Variants in EDIL3 observed in about 807,000 individuals in gnomAD.
The protein encoded by EDIL3 is EGF like and discoidin domains 3.
Under a neutral mutation model 67.4 loss-of-function variants are expected in EDIL3, and 37 were observed. The observed-to-expected ratio is 0.55, with a 90% CI of 0.42 to 0.72. The LOEUF is 0.72. EDIL3 is among the 30% of genes least tolerant of loss of function. The pLI is 0.00. For missense variants in EDIL3, 527 were observed against 586.3 expected (o/e 0.90, Z 1.04); for synonymous variants, 195 against 196.3 (o/e 0.99, Z 0.05).
At chr5:84,239,347 G>GTTATTATT (rs1744747981) in intron 2 of EDIL3, among the ~76,000 whole-genome samples, 1 of 152,152 alleles carries the variant, frequency 6.6e-6, no homozygotes, top group African/African-American at 2.4e-5. Context: ...ATACAATGGT[G>GTTATTATT]TTATTACCTG....
chr5:84,053,300 T>C (rs999577142), intron 9 of EDIL3, among the ~76,000 whole-genome samples: 5 of 152,134 alleles, frequency 3.3e-5, no homozygotes, highest in Admixed American at 3.3e-4. Flanking sequence ...CTGGGACACA[T>C]TCAAAGCAGT....
At chr5:84,111,234 C>A (rs909905850) in intron 5 of EDIL3, among the ~76,000 whole-genome samples, 1 of 152,118 alleles carries the variant, frequency 6.6e-6, no homozygotes, top group South Asian at 2.1e-4. Flanking sequence ...CTATTTTCTT[C>A]ATAAATTACC....
chr5:84,353,236 C>A (rs911470547), intron 1 of EDIL3, among the ~76,000 whole-genome samples: 7 of 152,078 alleles, frequency 4.6e-5, no homozygotes, highest in Non-Finnish European at 8.8e-5. Flanking sequence ...TGTGCCCAAT[C>A]AAAAGGGAAG....
chr5:84,120,379 A>C (rs1221766604), intron 5 of EDIL3, among the ~76,000 whole-genome samples: 1 of 152,036 alleles, frequency 6.6e-6, no homozygotes, highest in Non-Finnish European at 1.5e-5. Flanking sequence ...ATTGCCTAGC[A>C]CTTGGCTGAC....
Position 84,175,083 on chromosome 5 carries a change from G to A in EDIL3, c.355+5310C>T, listed in dbSNP as rs148860534. 5.3e-3 allele frequency among the ~76,000 whole-genome samples: 800 copies of A among 152,198 alleles called. 7 individuals carry two copies. Among genetic ancestry groups the A allele is most frequent in the African/African-American group, 0.019 (772 of 41,518 alleles). ...AGGCGGTGGCAGTTCTGTCCAGCCC[G>A]CTGCTACTGGACCACACTGTATGTA... On this transcript the variant is annotated intron_variant, in intron 4 of 10. Coordinates refer to ENST00000296591, the MANE Select transcript of EDIL3 (RefSeq NM_005711.5).
intron 6 of EDIL3, among the ~76,000 whole-genome samples, chr5:84,076,740 G>A (rs983443196): frequency 1.3e-5 from 2 of 152,152 alleles, no homozygotes; most frequent in African/African-American, 2.4e-5. Context: ...AAGACTGTCA[G>A]CTGTTTTCAT....
chr5:84,146,618 A>G (rs1465606582), intron 4 of EDIL3, among the ~76,000 whole-genome samples: 2 of 152,024 alleles, frequency 1.3e-5, no homozygotes, highest in African/African-American at 2.4e-5. Flanking sequence ...ATTTCCTCAA[A>G]ATCCTAAGTG....
At chr5:84,117,567 AC>A (rs1747693064) in intron 5 of EDIL3, among the ~76,000 whole-genome samples, 1 of 151,624 alleles carries the variant, frequency 6.6e-6, no homozygotes, top group Non-Finnish European at 1.5e-5. Flanking sequence ...AAACAAATAT[AC>A]TTCTTATAAA....
chr5:84,282,612 T>C (rs1580053651), intron 1 of EDIL3, among the ~76,000 whole-genome samples: 1 of 152,330 alleles, frequency 6.6e-6, no homozygotes, highest in Admixed American at 6.5e-5. Context: ...ATTTTGGATA[T>C]GTACCTACAG....
chr5:84,163,937 T>A (rs1015095473), intron 4 of EDIL3, among the ~76,000 whole-genome samples: 2 of 152,174 alleles, frequency 1.3e-5, no homozygotes, highest in Admixed American at 1.3e-4. Flanking sequence ...TTAAATATGG[T>A]GAATCATTTA....
chr5:84,233,038 C>T (rs140966240), intron 2 of EDIL3, among the ~76,000 whole-genome samples: 21 of 152,270 alleles, frequency 1.4e-4, no homozygotes, highest in Admixed American at 3.9e-4. Context: ...GAGTCTATGG[C>T]ACATGTAGTC....
chr5:83,947,820 ATACT>A (rs1304973897), intron 10 of EDIL3, among the ~76,000 whole-genome samples: 2 of 151,912 alleles, frequency 1.3e-5, no homozygotes, highest in Non-Finnish European at 2.9e-5. Flanking sequence ...AACTTTTGAC[ATACT>A]TAACAATAAT....
At chr5:84,122,822 A>G (rs1269416832) in intron 5 of EDIL3, among the ~76,000 whole-genome samples, 1 of 151,950 alleles carries the variant, frequency 6.6e-6, no homozygotes, top group Non-Finnish European at 1.5e-5. Flanking sequence ...TTCAACATGG[A>G]CTGTTATTCA....
chr5:84,299,620 A>T (rs1178902581), intron 1 of EDIL3, among the ~76,000 whole-genome samples: 1 of 152,142 alleles, frequency 6.6e-6, no homozygotes, highest in Non-Finnish European at 1.5e-5. Context: ...CATTTTTGTG[A>T]CTGTAATTAT....
At chr5:84,111,734 C>T (rs903351836) in intron 5 of EDIL3, among the ~76,000 whole-genome samples, 1 of 152,166 alleles carries the variant, frequency 6.6e-6, no homozygotes, top group African/African-American at 2.4e-5. Flanking sequence ...TGAGAGGTTA[C>T]ACCAAGTCTC....
rs117284017 is a variant in EDIL3 at position 83,971,523 on chromosome 5, C to A, written c.1138-8163G>T. 3.0e-3 allele frequency among the ~76,000 whole-genome samples: 450 copies of A among 152,010 alleles called. 7 individuals are homozygous for A. In the East Asian group the frequency reaches 0.056, roughly 19 times the overall value. ...CCTCAAGCAATCCTCCACCCTTAGC[C>A]TCCAAAAATATTTTTATATATGCTC... On this transcript the variant is annotated intron_variant, in intron 9 of 10. Transcript: ENST00000296591.
chr5:84,346,080 A>T (rs1455120691), intron 1 of EDIL3, among the ~76,000 whole-genome samples: 1 of 144,482 alleles, frequency 6.9e-6, no homozygotes, highest in African/African-American at 2.6e-5. Context: ...TCATTCATTT[A>T]TTTCTACTCT....
chr5:84,194,400 C>T (rs1444654744), intron 3 of EDIL3, among the ~76,000 whole-genome samples: 2 of 151,680 alleles, frequency 1.3e-5, no homozygotes, highest in African/African-American at 4.8e-5. Flanking sequence ...GAGAAAATCT[C>T]GACAAAGATT....
In EDIL3 at chr5:84,152,990, G is replaced by A. The variant is rs78796896; in HGVS notation, c.356-15636C>T. On this transcript the variant is annotated intron_variant, in intron 4 of 10. Transcript: ENST00000296591. The stretch of plus-strand genomic sequence containing the variant: ...ATGTTATGAAAATACAGAGGTTACT[G>A]TAATTTTGTACAGATAAGCACAACT... Among the ~76,000 whole-genome samples the A allele has an allele frequency of 6.9e-4, 105 of 152,194 alleles. 1 individual carries two copies. In the East Asian group the frequency reaches 0.018, roughly 26 times the overall value.
Sources: allele counts gnomAD v4.1 joint callset (sites outside exome capture counted in the v4.1 genomes callset), GRCh38; gene constraint gnomAD v4.1.1; transcripts MANE v1.5; gene names NCBI Gene and HGNC (gene_info 2026-07-23, HGNC 2026-07-21).